The following TSPAN32 variants were observed in gnomAD, a reference collection of about 807,000 sequenced individuals.
TSPAN32 encodes tetraspanin-32.
Under a neutral mutation model 42.7 loss-of-function variants are expected in TSPAN32, and 47 were observed. That is an observed-to-expected ratio of 1.10 (90% CI 0.87 to 1.40). The LOEUF (loss-of-function observed/expected upper bound fraction) is 1.40, where lower values mean the gene tolerates loss of function less well. Among genes scored for constraint, TSPAN32 ranks in the 40% most tolerant of loss-of-function variants. TSPAN32 has a pLI of 0.00. For missense variants in TSPAN32, 469 were observed against 424.1 expected (o/e 1.11, Z -0.93); for synonymous variants, 175 against 175.9 (o/e 0.99, Z 0.04).
chr11:2,315,939 C>T, intron 6 of TSPAN32: 1 of 1,519,882 alleles, frequency 6.6e-7, no homozygotes, highest in Middle Eastern at 1.7e-4. Context: ...CCCAGGGGAG[C>T]CAACGTGTGG....
intron 6 of TSPAN32, chr11:2,315,170 CACCCTG>C: frequency 1.8e-4 from 118 of 672,600 alleles, no homozygotes; most frequent in Non-Finnish European, 2.2e-4. Flanking sequence ...TCCCCCAGCC[CACCCTG>C]CCCCCTCCCT....
rs139081815 is a variant in TSPAN32 at position 2,317,391 on chromosome 11, A to T, written c.767A>T (p.Gln256Leu). The change falls in exon 9 of 10, where the codon CAG (glutamine) becomes CTG (leucine). Residue 256 changes from glutamine (Q) to leucine (L), a missense_variant. Coordinates refer to ENST00000182290, the MANE Select transcript of TSPAN32 (RefSeq NM_139022.3). This position sits in a 1 kb window ranked among gnomAD's most constrained non-coding sequence, Gnocchi z 6.2. ...GAGCCCAGCCTCTTGAGATGCTCCC[A>T]GGGTGGACCCACACATTGTCTCCAC... ...PQEPSLLRCS[Q>L]GGPTHCLHSE... 8 of 1,599,472 alleles carry T rather than the reference A, an allele frequency of 5.0e-6. No individual in the cohort carries two copies. The highest frequency in any genetic ancestry group is 3.4e-5 in the Admixed American group (2 of 58,074).
At position 2,318,186 on chromosome 11, in the gene TSPAN32, T is replaced by C. The variant is rs188723879; in HGVS notation, c.*262T>C. Reference sequence around the variant, plus strand: ...TTTGTGGCATTAAATACATTCACATTGTTGTGCAACCATCACCACCATCTA... The same window carrying C: ...TTTGTGGCATTAAATACATTCACATCGTTGTGCAACCATCACCACCATCTA... On this transcript the variant is annotated 3_prime_UTR_variant, in exon 10 of 10. Transcript: ENST00000182290. The surrounding 1 kb of genome is among the most constrained non-coding windows in gnomAD (Gnocchi z 4.2). 4.3e-6 allele frequency: 2 copies of C among 464,176 alleles called. No individual in the cohort carries two copies. The highest frequency in any genetic ancestry group is 7.6e-6 in the Non-Finnish European group (2 of 264,280). The allele number at this position is 464,176 out of a possible 1,614,324, so 28.8% of individuals were successfully genotyped here.
Position 2,302,825 on chromosome 11 carries a change from G to A in TSPAN32, c.67-19G>A. 1.9e-6 allele frequency: 3 copies of A among 1,607,504 alleles called. No homozygotes were observed. Among genetic ancestry groups the A allele is most frequent in the Non-Finnish European group, 2.6e-6 (3 of 1,174,824 alleles). On this transcript the variant is annotated intron_variant, in intron 1 of 9. Transcript: ENST00000182290. ...GCAGCAGTCCCATGCCCCACACTCTGAGTCTGCCCTATCCACAGCTGCTGG... is the reference window on the plus strand; with the variant it reads ...GCAGCAGTCCCATGCCCCACACTCTAAGTCTGCCCTATCCACAGCTGCTGG...
chr11:2,317,291 C>A lies in TSPAN32; in HGVS notation c.720-53C>A. 7.0e-7 allele frequency: 1 copy of A among 1,427,594 alleles called. No individual in the cohort carries two copies. The highest frequency in any genetic ancestry group is 9.6e-7 in the Non-Finnish European group (1 of 1,038,040). 88.4% of individuals were successfully genotyped at this position (1,427,594 alleles called of 1,614,324 possible). A position where few individuals can be genotyped will look rare whatever the true frequency, so the allele number is the denominator to read the frequency against. ...TCTAGAACATTCCACAATAGCCTCA[C>A]AGGTCCCCTGTAGAACATTCCACCA... On this transcript the variant is annotated intron_variant, in intron 8 of 9. Transcript: ENST00000182290. The surrounding 1 kb of genome is among the most constrained non-coding windows in gnomAD (Gnocchi z 6.2).
At chr11:2,315,585 A>C in intron 6 of TSPAN32, 1 of 1,177,218 alleles carries the variant, frequency 8.5e-7, no homozygotes, top group Non-Finnish European at 1.1e-6. Context: ...ATGGGCTGGC[A>C]TGGGCGGGAG....
At chr11:2,315,681 TC>T in intron 6 of TSPAN32, 1 of 1,194,156 alleles carries the variant, frequency 8.4e-7, no homozygotes, top group Non-Finnish European at 1.1e-6. Context: ...TGCCATCATC[TC>T]CAGGGTTCAG....
rs367851224 is a variant in TSPAN32, at chr11:2,317,442, G to C, written c.818G>C (p.Arg273Thr). The C allele has an allele frequency of 2.5e-6, 4 of 1,603,730 alleles. No homozygotes were observed. In the African/African-American group the frequency reaches 5.4e-5, roughly 21 times the overall value. The change falls in exon 9 of 10, where the codon AGA becomes ACA. Residue 273 changes from arginine (R) to threonine (T), a missense_variant. Coordinates refer to ENST00000182290, the MANE Select transcript of TSPAN32 (RefSeq NM_139022.3). The surrounding 1 kb of genome is among the most constrained non-coding windows in gnomAD (Gnocchi z 6.2). ...LHSEAVAIGP[R>T]GCSGSLRWLQ... The stretch of plus-strand genomic sequence containing the variant: ...TCCGAAGCAGTTGCTATTGGTCCAA[G>C]AGGATGCTCGGGTAGTCTTCGGTGG...
Position 2,304,714 on chromosome 11 carries a change from C to T in TSPAN32, c.279+510C>T, listed in dbSNP as rs1245681019. Among the ~76,000 whole-genome samples, 5 of 151,846 alleles carry T rather than the reference C, an allele frequency of 3.3e-5. No individual in the cohort carries two copies. Among genetic ancestry groups the T allele is most frequent in the African/African-American group, 7.3e-5 (3 of 41,328 alleles). On this transcript the variant is annotated intron_variant, in intron 3 of 9. Coordinates refer to ENST00000182290, the MANE Select transcript of TSPAN32 (RefSeq NM_139022.3). This position sits in a 1 kb window ranked among gnomAD's most constrained non-coding sequence, Gnocchi z 4.8. ...TCTCCTTCCCAGCTGCCGGAGGTGT[C>T]TCCCCAGCCCCGAGGTCCCATAGGC...
chr11:2,308,019 G>C (rs1052460699), intron 3 of TSPAN32, among the ~76,000 whole-genome samples: 2 of 152,142 alleles, frequency 1.3e-5, no homozygotes, highest in African/African-American at 4.8e-5. Context: ...AGGCTCAGGG[G>C]AGACTCTGCC....
chr11:2,306,153 T>C (rs1425999301), intron 3 of TSPAN32, among the ~76,000 whole-genome samples: 1 of 151,948 alleles, frequency 6.6e-6, no homozygotes, highest in African/African-American at 2.4e-5. Flanking sequence ...CATCTGTATG[T>C]GTGTCTGCAC....
At chr11:2,302,267 GAGGGGTGGC>G (rs1847796152) in intron 1 of TSPAN32, 52 bp downstream of exon 1, 1 of 1,347,694 alleles carries the variant, frequency 7.4e-7, no homozygotes, top group Non-Finnish European at 9.6e-7. Flanking sequence ...GAGCAGGGGT[GAGGGGTGGC>G]AGGGCCTCAG....
chr11:2,311,702 G>C (rs546765888), intron 4 of TSPAN32, among the ~76,000 whole-genome samples: 1 of 152,334 alleles, frequency 6.6e-6, no homozygotes, highest in Non-Finnish European at 1.5e-5. Context: ...AGCCCAGGCA[G>C]ACACCAGGGA....
In TSPAN32 at chr11:2,302,113, G is replaced by A. The variant is rs1410841175; in HGVS notation, c.-37G>A. On this transcript the variant is annotated 5_prime_UTR_variant, in exon 1 of 10. Transcript: ENST00000182290. The stretch of plus-strand genomic sequence containing the variant: ...TGCCCAGCTGGAAACCACAGGGAGG[G>A]GAAGGGAGGGGAGGAGAGGAGAGGA... 1.3e-6 allele frequency: 2 copies of A among 1,486,344 alleles called. No homozygotes were observed. The highest frequency in any genetic ancestry group is 4.7e-5 in the East Asian group (2 of 42,114). The allele number at this position is 1,486,344 out of a possible 1,614,324, so 92.1% of individuals were successfully genotyped here.
At chr11:2,308,113 T>A (rs1408560042) in intron 3 of TSPAN32, among the ~76,000 whole-genome samples, 1 of 152,104 alleles carries the variant, frequency 6.6e-6, no homozygotes, top group Non-Finnish European at 1.5e-5. Flanking sequence ...CTGCCCCTGC[T>A]GGGCAGGGGT....
In TSPAN32 at chr11:2,318,166, G is replaced by A; in HGVS notation, c.*242G>A. ...AACCATTGTTAAGTGTATGGTTTGT[G>A]GCATTAAATACATTCACATTGTTGT... is the stretch of plus-strand genomic sequence containing the variant. On this transcript the variant is annotated 3_prime_UTR_variant, in exon 10 of 10. Coordinates refer to ENST00000182290, the MANE Select transcript of TSPAN32 (RefSeq NM_139022.3). This position sits in a 1 kb window ranked among gnomAD's most constrained non-coding sequence, Gnocchi z 4.2. The A allele has an allele frequency of 2.0e-6, 1 of 506,698 alleles. No homozygotes were observed. Among genetic ancestry groups the A allele is most frequent in the Non-Finnish European group, 3.4e-6 (1 of 290,114 alleles). 31.4% of individuals were successfully genotyped at this position (506,698 alleles called of 1,614,324 possible).
Position 2,316,299 on chromosome 11 carries a change from G to T in TSPAN32, c.614G>T (p.Gly205Val). ...QQVASSLTSIGLALTVSALLF... is the reference protein window; with the variant it reads ...QQVASSLTSIVLALTVSALLF... The stretch of plus-strand genomic sequence containing the variant: ...GTCGCCTCCAGCCTGACCAGCATCG[G>T]CCTGGCCCTCACGGTACCCTCTCGC... Residue 205 changes from glycine to valine, a missense_variant, in exon 7 of 10, where the codon GGC becomes GTC. Gly to Val is a moderately radical substitution (Grantham distance 109, BLOSUM62 -3). Transcript: ENST00000182290. 1 of 1,600,964 alleles carries T rather than the reference G, an allele frequency of 6.2e-7. No homozygotes were observed. The highest frequency in any genetic ancestry group is 8.5e-7 in the Non-Finnish European group (1 of 1,175,754).
intron 3 of TSPAN32, among the ~76,000 whole-genome samples, chr11:2,306,553 GAA>G (rs1554938995): frequency 1.9e-4 from 27 of 139,752 alleles, no homozygotes; most frequent in African/African-American, 7.3e-4. Context: ...GGGAGAGAGA[GAA>G]AGAGAGAAAG....
At position 2,302,912 on chromosome 11, in the gene TSPAN32, C is replaced by T; in HGVS notation, c.135C>T (p.Arg45=). 1 of 1,613,730 alleles carries T rather than the reference C, an allele frequency of 6.2e-7. No homozygotes were observed. Among genetic ancestry groups the T allele is most frequent in the Non-Finnish European group, 8.5e-7 (1 of 1,179,846 alleles). ...TCGGGGCCCACTTTGCTGTCATCCG[C>T]CGAGCGTCCCTGGAGAAGAACCCGT... ...TYFGAHFAVI[R]RASLEKNPYQ... is the part of the protein sequence containing the mutation. Residue 45 remains arginine (R), a synonymous_variant, in exon 2 of 10, where the codon CGC becomes CGT. Coordinates refer to ENST00000182290, the MANE Select transcript of TSPAN32 (RefSeq NM_139022.3).
Sources: gnomAD v4.1 joint callset for allele counts (sites outside exome capture counted in the v4.1 genomes callset) on GRCh38, gnomAD v4.1.1 for gene constraint, Gnocchi (gnomAD v3.1) non-coding constraint, MANE v1.5 for transcripts, NCBI Gene and HGNC (gene_info 2026-07-23, HGNC 2026-07-21) for gene names.